Variants in MYO3B observed in about 807,000 individuals in gnomAD.
MYO3B encodes the protein myosin IIIB.
A neutral mutation model predicts 174.6 loss-of-function variants in MYO3B; 156 were observed. The observed-to-expected ratio is 0.89, with a 90% CI of 0.78 to 1.02. MYO3B has a LOEUF of 1.02. MYO3B is among the 50% of genes least tolerant of loss of function. MYO3B has a pLI of 0.00. For synonymous variants in MYO3B, 563 were observed against 569.1 expected (o/e 0.99, Z 0.15); for missense variants, 1,632 against 1,639.4 (o/e 1.00, Z 0.08).
At chr2:170,319,932 C>A (rs867545234) in intron 7 of MYO3B, among the ~76,000 whole-genome samples, 1 of 151,652 alleles carries the variant, frequency 6.6e-6, no homozygotes, top group South Asian at 2.1e-4. Context: ...AATTATCCTT[C>A]AAAAAAAATG....
chr2:170,336,464 A>G (rs972677995), intron 8 of MYO3B, among the ~76,000 whole-genome samples: 4 of 152,144 alleles, frequency 2.6e-5, no homozygotes, highest in African/African-American at 4.8e-5. Context: ...CAGATCAACA[A>G]TCTCTTATCC....
chr2:170,608,544 C>T (rs1694953896), intron 32 of MYO3B, among the ~76,000 whole-genome samples: 1 of 152,046 alleles, frequency 6.6e-6, no homozygotes, highest in South Asian at 2.1e-4. Context: ...ACTTCAGATT[C>T]TTGTTACCGT....
intron 23 of MYO3B, among the ~76,000 whole-genome samples, chr2:170,462,908 TCTGATG>T (rs11279523): frequency 0.16 from 24,344 of 151,722 alleles, 5,225 homozygotes; most frequent in African/African-American, 0.47. Context: ...GTAGGAGGAG[TCTGATG>T]GTTGCAGCAT....
chr2:170,265,426 G>A (rs532088830), intron 7 of MYO3B, among the ~76,000 whole-genome samples: 1 of 152,344 alleles, frequency 6.6e-6, no homozygotes, highest in East Asian at 1.9e-4. Context: ...ATTATAGCAT[G>A]GCTGGGGCCA....
chr2:170,229,346 A>G (rs968111137), intron 6 of MYO3B, among the ~76,000 whole-genome samples: 2 of 152,148 alleles, frequency 1.3e-5, no homozygotes, highest in Non-Finnish European at 1.5e-5. Flanking sequence ...CTTGCCTCTT[A>G]TTTAGCTGAA....
rs1173835137 is a variant in MYO3B, at chr2:170,644,990, G to C, written c.3734-6638G>C. ...TGCAAAGATTCTTGAAAAGGAAAGAGACCTATGTTAAATGCAAACTGGTAT... is the reference window on the plus strand; with the variant it reads ...TGCAAAGATTCTTGAAAAGGAAAGACACCTATGTTAAATGCAAACTGGTAT... On this transcript the variant is annotated intron_variant, in intron 32 of 34. Coordinates refer to ENST00000408978, the MANE Select transcript of MYO3B (RefSeq NM_138995.5). 2.0e-5 allele frequency among the ~76,000 whole-genome samples: 3 copies of C among 152,218 alleles called. No individual in the cohort carries two copies. The East Asian group carries it at 5.8e-4, about 29-fold the overall frequency.
At chr2:170,390,874 C>T (rs1300106227) in intron 14 of MYO3B, among the ~76,000 whole-genome samples, 2 of 152,090 alleles carry the variant, frequency 1.3e-5, no homozygotes, top group Non-Finnish European at 2.9e-5. Flanking sequence ...ATGTCACTTG[C>T]TATAAAACGT....
intron 28 of MYO3B, among the ~76,000 whole-genome samples, chr2:170,513,277 G>T (rs1317797825): frequency 6.6e-6 from 1 of 152,170 alleles, no homozygotes; most frequent in Admixed American, 6.5e-5. Context: ...TTCTGTCACA[G>T]TTCTAGAGGC....
At chr2:170,609,685 C>T (rs1695020702) in intron 32 of MYO3B, among the ~76,000 whole-genome samples, 1 of 152,248 alleles carries the variant, frequency 6.6e-6, no homozygotes, top group Non-Finnish European at 1.5e-5. Context: ...TTATTCTCAG[C>T]AGGTGACATT....
intron 22 of MYO3B, among the ~76,000 whole-genome samples, chr2:170,421,123 C>T (rs529271154): frequency 2.2e-4 from 34 of 152,248 alleles, no homozygotes; most frequent in African/African-American, 6.7e-4. Context: ...GATTTGTGGA[C>T]GGTTTCCTGG....
At position 170,653,106 on chromosome 2, in the gene MYO3B, T is replaced by C. The variant is rs369613668; in HGVS notation, c.4011T>C (p.Ser1337=). The change falls in exon 35 of 35, where the codon TCT becomes TCC. Residue 1337 remains serine, a synonymous_variant. Transcript: ENST00000408978. ...TTTCTTCATCCTCAAAAGGAGACTC[T>C]TTTGCTCAACATTAAATTGTGCTTC... ...SFFSSSSKGD[S]FAQH 6.8e-6 allele frequency: 11 copies of C among 1,614,166 alleles called. No homozygotes were observed. Among genetic ancestry groups the C allele is most frequent in the Non-Finnish European group, 7.6e-6 (9 of 1,180,020 alleles).
rs951360763 is a variant in MYO3B, at chr2:170,447,625, G to T, written c.2730+3579G>T. ...TTTTATAAGTTATATAAACCACATCGGGTGGTGTAACCACCCAGTGGGTTC... is the reference window on the plus strand; with the variant it reads ...TTTTATAAGTTATATAAACCACATCTGGTGGTGTAACCACCCAGTGGGTTC... On this transcript the variant is annotated intron_variant, in intron 23 of 34. Coordinates refer to ENST00000408978, the MANE Select transcript of MYO3B (RefSeq NM_138995.5). 3.3e-5 allele frequency among the ~76,000 whole-genome samples: 5 copies of T among 152,148 alleles called. No individual in the cohort carries two copies. The East Asian group carries it at 9.6e-4, about 29-fold the overall frequency.
intron 32 of MYO3B, among the ~76,000 whole-genome samples, chr2:170,591,633 A>C (rs888010): frequency 6.6e-6 from 1 of 151,844 alleles, no homozygotes; most frequent in South Asian, 2.1e-4. Flanking sequence ...CAGCCCTGCA[A>C]TCATAGAACT....
intron 14 of MYO3B, among the ~76,000 whole-genome samples, chr2:170,388,474 T>G (rs569267740): frequency 1.3e-4 from 20 of 152,068 alleles, no homozygotes; most frequent in Non-Finnish European, 2.4e-4. Context: ...GGAGGAAAAG[T>G]GGCAAAGATA....
At chr2:170,648,879 CTA>C (rs1698618963) in intron 32 of MYO3B, among the ~76,000 whole-genome samples, 2 of 52,962 alleles carry the variant, frequency 3.8e-5, no homozygotes, top group South Asian at 7.2e-4. Context: ...TGTTTATATT[CTA>C]TATATTATAT....
intron 7 of MYO3B, among the ~76,000 whole-genome samples, chr2:170,286,298 C>T (rs1296472462): frequency 6.6e-6 from 1 of 152,122 alleles, no homozygotes; most frequent in African/African-American, 2.4e-5. Flanking sequence ...GTAGTCCTAA[C>T]AGAGTAAGAT....
rs13036226 is a variant in MYO3B at position 170,405,401 on chromosome 2, C to T, written c.2432-144C>T. The T allele has an allele frequency of 1.5e-3, 1,016 of 657,712 alleles. 1 individual carries two copies. The highest frequency in any genetic ancestry group is 2.3e-3 in the Non-Finnish European group (865 of 372,580). 40.7% of individuals were successfully genotyped at this position (657,712 alleles called of 1,614,324 possible). ...ATATAATGATAAATGCCCATCATAT[C>T]GGTGATCTTTCTCCACCCTTGTTAA... On this transcript the variant is annotated intron_variant, in intron 20 of 34. Transcript: ENST00000408978.
At chr2:170,380,586 G>A (rs1467300842) in intron 9 of MYO3B, among the ~76,000 whole-genome samples, 1 of 152,126 alleles carries the variant, frequency 6.6e-6, no homozygotes, top group African/African-American at 2.4e-5. Flanking sequence ...TTTATGAAAG[G>A]AATTACGGGA....
chr2:170,571,750 G>C (rs930207090), intron 32 of MYO3B, among the ~76,000 whole-genome samples: 3 of 152,122 alleles, frequency 2.0e-5, no homozygotes, highest in Non-Finnish European at 4.4e-5. Context: ...TATAGGGCTT[G>C]ATGACTGATA....
Sources: allele counts gnomAD v4.1 joint callset (sites outside exome capture counted in the v4.1 genomes callset), GRCh38; gene constraint gnomAD v4.1.1; transcripts MANE v1.5; gene names NCBI Gene and HGNC (gene_info 2026-07-23, HGNC 2026-07-21).